PTN: variants seen among roughly 807,000 people sequenced by gnomAD.
The protein encoded by PTN is pleiotrophin.
In PTN, 18 loss-of-function variants were observed where a neutral mutation model predicts 24.1. The ratio of observed to expected loss-of-function variants is 0.75; its 90% CI spans 0.52 to 1.11. The LOEUF is 1.11. PTN is among the 50% of genes least tolerant of loss of function. The pLI, the probability that PTN is intolerant of heterozygous loss-of-function variation, is 0.00. For synonymous variants in PTN, 78 were observed against 68.6 expected (o/e 1.14, Z -0.67); for missense variants, 163 against 198.8 (o/e 0.82, Z 1.08).
intron 1 of PTN, among the ~76,000 whole-genome samples, chr7:137,273,348 G>T (rs996089846): frequency 1.1e-4 from 17 of 152,128 alleles, no homozygotes; most frequent in Admixed American, 4.6e-4. Flanking sequence ...GTTGGATGTT[G>T]TATTAGCATG....
intron 4 of PTN, among the ~76,000 whole-genome samples, 197 bp downstream of exon 4, chr7:137,251,033 G>T (rs79905887): frequency 3.3e-5 from 5 of 152,136 alleles, no homozygotes; most frequent in Admixed American, 3.3e-4. Context: ...TCTATGCAGA[G>T]GACTTCAATT....
At chr7:137,284,919 A>C (rs951405584) in intron 1 of PTN, among the ~76,000 whole-genome samples, 1 of 152,210 alleles carries the variant, frequency 6.6e-6, no homozygotes. Flanking sequence ...ACTTGAAATA[A>C]ATTAACATCT....
intron 4 of PTN, among the ~76,000 whole-genome samples, chr7:137,236,908 T>C (rs753353111): frequency 2.6e-5 from 4 of 152,144 alleles, no homozygotes; most frequent in Non-Finnish European, 2.9e-5. Context: ...CAAATTTTAA[T>C]CTGTGAAAAA....
chr7:137,324,433 A>AAAAAAAATATAT, intron 1 of PTN, among the ~76,000 whole-genome samples: 18 of 88,760 alleles, frequency 2.0e-4, no homozygotes, highest in African/African-American at 6.9e-4. Flanking sequence ...AAAAAAAAAA[A>AAAAAAAATATAT]ATATATATAT....
rs1340868954 is a variant in PTN at position 137,258,402 on chromosome 7, T to C, written c.-1-3428A>G. On this transcript the variant is annotated intron_variant, in intron 1 of 4. Transcript: ENST00000348225. ...TATGAAATAAATGCACACAAGTCCA[T>C]GTGTACAGTGGGTCACCTGTGTACA... is the stretch of plus-strand genomic sequence containing the variant. Among the ~76,000 whole-genome samples the C allele has an allele frequency of 9.2e-5, 14 of 152,296 alleles. No homozygotes were observed. The East Asian group carries it at 2.5e-3, about 27-fold the overall frequency.
rs1262316244 is a variant in PTN, at chr7:137,227,350, C to T, written c.*670G>A. ...TGAACACAAAAACAACTTTTTTTTT[C>T]AGCATCACCTTGATTTATTTTCCTA... On this transcript the variant is annotated 3_prime_UTR_variant, in exon 5 of 5. Coordinates refer to ENST00000348225, the MANE Select transcript of PTN (RefSeq NM_002825.7). 6.6e-6 allele frequency: 1 copy of T among 150,554 alleles called. No individual in the cohort carries two copies. The highest frequency in any genetic ancestry group is 1.5e-5 in the Non-Finnish European group (1 of 67,466). The allele number at this position is 150,554 out of a possible 1,614,324, so 9.3% of individuals were successfully genotyped here.
chr7:137,233,723 C>A (rs1365140682), intron 4 of PTN, among the ~76,000 whole-genome samples: 1 of 151,736 alleles, frequency 6.6e-6, no homozygotes, highest in Non-Finnish European at 1.5e-5. Context: ...AAAAATAGAG[C>A]AGCCACAAGG....
rs753922830 is a variant in PTN, at chr7:137,343,697, G to A, written c.-260C>T. The A allele has an allele frequency of 1.0e-4, 51 of 492,618 alleles. No individual in the cohort carries two copies. Among genetic ancestry groups the A allele is most frequent in the South Asian group, 6.4e-4 (44 of 68,276 alleles). The allele number at this position is 492,618 out of a possible 1,614,324, so 30.5% of individuals were successfully genotyped here. A position where few individuals can be genotyped will look rare whatever the true frequency, so the allele number is the denominator to read the frequency against. On this transcript the variant is annotated 5_prime_UTR_variant, in exon 1 of 5. Transcript: ENST00000348225. ...CTGATCCTGCCTTTGACTCAATTAC[G>A]CCCTGACAGGGAGGGAACGGAAGGG...
chr7:137,338,692 T>A (rs1810486301), intron 1 of PTN, among the ~76,000 whole-genome samples: 1 of 152,146 alleles, frequency 6.6e-6, no homozygotes, highest in Non-Finnish European at 1.5e-5. Context: ...GTTTCCCTCA[T>A]CACACTACCT....
intron 1 of PTN, among the ~76,000 whole-genome samples, chr7:137,329,118 A>C (rs751467214): frequency 3.3e-5 from 5 of 152,188 alleles, no homozygotes; most frequent in Non-Finnish European, 7.3e-5. Flanking sequence ...TTTAGGAAGA[A>C]AAATAGTCTT....
chr7:137,240,944 A>T (rs1808617627), intron 4 of PTN, among the ~76,000 whole-genome samples: 1 of 152,196 alleles, frequency 6.6e-6, no homozygotes, highest in Admixed American at 6.5e-5. Flanking sequence ...CTATAAAGAC[A>T]TTACCTGAGA....
At chr7:137,286,393 C>T (rs1257269089) in intron 1 of PTN, among the ~76,000 whole-genome samples, 1 of 152,198 alleles carries the variant, frequency 6.6e-6, no homozygotes, top group African/African-American at 2.4e-5. Context: ...TGTTTCATTA[C>T]ACTGAAAATC....
chr7:137,309,914 G>C (rs1446029746), intron 1 of PTN, among the ~76,000 whole-genome samples: 1 of 152,098 alleles, frequency 6.6e-6, no homozygotes, highest in Non-Finnish European at 1.5e-5. Context: ...CCATGAATCA[G>C]GAATGTTTTT....
intron 1 of PTN, among the ~76,000 whole-genome samples, chr7:137,295,579 A>C (rs1809706771): frequency 6.6e-6 from 1 of 152,146 alleles, no homozygotes; most frequent in African/African-American, 2.4e-5. Flanking sequence ...CAGTATGAAA[A>C]AAATGAATAT....
chr7:137,300,829 A>C (rs1043705715), intron 1 of PTN, among the ~76,000 whole-genome samples: 1 of 151,914 alleles, frequency 6.6e-6, no homozygotes, highest in African/African-American at 2.4e-5. Flanking sequence ...CCAATTTCTG[A>C]GTATTACCTT....
At chr7:137,272,454 G>A (rs1417553332) in intron 1 of PTN, among the ~76,000 whole-genome samples, 5 of 152,158 alleles carry the variant, frequency 3.3e-5, no homozygotes, top group Non-Finnish European at 5.9e-5. Flanking sequence ...CCTCAACAAA[G>A]CCTTTGCCAA....
intron 4 of PTN, among the ~76,000 whole-genome samples, chr7:137,242,020 G>A (rs1341452277): frequency 6.6e-6 from 1 of 152,180 alleles, no homozygotes; most frequent in Admixed American, 6.5e-5. Flanking sequence ...TCACTCCTGA[G>A]GGATGTCAGA....
chr7:137,338,241 C>T (rs1263295110), intron 1 of PTN, among the ~76,000 whole-genome samples: 1 of 152,114 alleles, frequency 6.6e-6, no homozygotes, highest in Non-Finnish European at 1.5e-5. Context: ...CATTAAAGGA[C>T]ACTCTTCTCT....
chr7:137,251,460 A>G (rs914701141), intron 3 of PTN, 69 bp from the exon 4 acceptor site: 2 of 1,519,878 alleles, frequency 1.3e-6, no homozygotes, highest in Non-Finnish European at 1.8e-6. Flanking sequence ...TAATAAAGGC[A>G]CACTTTTGTT....
Sources: allele counts gnomAD v4.1 joint callset (sites outside exome capture counted in the v4.1 genomes callset), GRCh38; gene constraint gnomAD v4.1.1; transcripts MANE v1.5; gene names NCBI Gene and HGNC (gene_info 2026-07-23, HGNC 2026-07-21).